TGFBR3: variants seen among roughly 807,000 people sequenced by gnomAD.
The protein encoded by TGFBR3 is transforming growth factor beta receptor 3.
TGFBR3 carries 46 observed loss-of-function variants against 87.9 expected under a neutral mutation model. The ratio of observed to expected loss-of-function variants is 0.52; its 90% CI spans 0.41 to 0.67. The LOEUF is 0.67. Among genes scored for constraint, TGFBR3 ranks in the 30% least tolerant of loss-of-function variants. TGFBR3 has a pLI of 0.00. For missense variants in TGFBR3, 866 were observed against 1,041.9 expected, an observed-to-expected ratio of 0.83 and a Z score of 2.32; for synonymous variants, 381 against 391.6, an observed-to-expected ratio of 0.97 and a Z score of 0.32.
chr1:91,832,992 A>G (rs1364141510), intron 2 of TGFBR3, among the ~76,000 whole-genome samples: 3 of 140,162 alleles, frequency 2.1e-5, no homozygotes, highest in South Asian at 2.3e-4. Context: ...TGGGCCACAG[A>G]GCAAGAATCT....
intron 16 of TGFBR3, among the ~76,000 whole-genome samples, chr1:91,695,264 G>A (rs17885664): frequency 0.033 from 5,087 of 152,252 alleles, 268 homozygotes; most frequent in African/African-American, 0.12. Flanking sequence ...GACTCTGATG[G>A]ACAGTGCTCA....
chr1:91,894,961 G>C (rs1679523795), intron 2 of TGFBR3, among the ~76,000 whole-genome samples: 1 of 152,134 alleles, frequency 6.6e-6, no homozygotes, highest in South Asian at 2.1e-4. Flanking sequence ...TAGTAGAGAA[G>C]GGGTTTCACC....
intron 4 of TGFBR3, among the ~76,000 whole-genome samples, chr1:91,749,892 G>A (rs745868464): frequency 3.5e-4 from 53 of 152,148 alleles, no homozygotes; most frequent in African/African-American, 1.0e-3. Flanking sequence ...TGGCCACCAC[G>A]TCAACAAAGG....
At chr1:91,810,708 C>G (rs561458436) in intron 2 of TGFBR3, among the ~76,000 whole-genome samples, 1 of 152,146 alleles carries the variant, frequency 6.6e-6, no homozygotes, top group Non-Finnish European at 1.5e-5. Flanking sequence ...CACATTTTAG[C>G]CTTTTAACCT....
At chr1:91,818,478 G>T (rs1676329117) in intron 2 of TGFBR3, among the ~76,000 whole-genome samples, 1 of 151,998 alleles carries the variant, frequency 6.6e-6, no homozygotes, top group African/African-American at 2.4e-5. Context: ...CTGGTCCCTG[G>T]TGTTTTAAAA....
At chr1:91,792,507 C>T (rs1343088712) in intron 3 of TGFBR3, among the ~76,000 whole-genome samples, 2 of 152,282 alleles carry the variant, frequency 1.3e-5, no homozygotes, top group East Asian at 3.9e-4. Flanking sequence ...GACTTATCCT[C>T]AGCAGCTTTT....
At chr1:91,759,311 T>C (rs990498706) in intron 3 of TGFBR3, among the ~76,000 whole-genome samples, 1 of 149,788 alleles carries the variant, frequency 6.7e-6, no homozygotes, top group Non-Finnish European at 1.5e-5. Context: ...AGCTTTTAGC[T>C]TGAAGGGCTT....
At position 91,708,797 on chromosome 1, in the gene TGFBR3, G is replaced by A; in HGVS notation, c.2167-14C>T. 1 of 1,613,472 alleles carries A rather than the reference G, an allele frequency of 6.2e-7. No individual in the cohort carries two copies. Among genetic ancestry groups the A allele is most frequent in the Non-Finnish European group, 8.5e-7 (1 of 1,179,872 alleles). On this transcript the variant is annotated splice_polypyrimidine_tract_variant and intron_variant, in intron 13 of 16. Transcript: ENST00000212355. Reference sequence around the variant, plus strand: ...AGGAGGCACACACTGCAGACAGGCAGAACAAAGCACAGAATCAGGGGCCAC... The same window carrying A: ...AGGAGGCACACACTGCAGACAGGCAAAACAAAGCACAGAATCAGGGGCCAC...
At chr1:91,712,105 C>T in intron 13 of TGFBR3, 138 bp downstream of exon 13, 2 of 782,668 alleles carry the variant, frequency 2.6e-6, no homozygotes, top group Non-Finnish European at 4.3e-6. Flanking sequence ...TCACAGTTCC[C>T]TGCTAATAGT....
chr1:91,873,694 C>T (rs539049357), intron 1 of TGFBR3, among the ~76,000 whole-genome samples: 1 of 152,294 alleles, frequency 6.6e-6, no homozygotes, highest in Admixed American at 6.5e-5. Context: ...CGCCTGTAAT[C>T]CCAGCACTTT....
intron 1 of TGFBR3, among the ~76,000 whole-genome samples, chr1:91,883,742 G>GA (rs1679187442): frequency 6.9e-6 from 1 of 144,012 alleles, no homozygotes; most frequent in Non-Finnish European, 1.5e-5. Context: ...ATCAAAACAG[G>GA]AAAAATTAAA....
chr1:91,839,493 A>C (rs1677188617), intron 2 of TGFBR3, among the ~76,000 whole-genome samples: 1 of 152,242 alleles, frequency 6.6e-6, no homozygotes, highest in Admixed American at 6.5e-5. Context: ...GAATTCTGGC[A>C]GACATCACTC....
chr1:91,685,422 A>T (rs1304470754), intron 16 of TGFBR3, among the ~76,000 whole-genome samples: 4 of 148,042 alleles, frequency 2.7e-5, no homozygotes, highest in Non-Finnish European at 5.9e-5. Flanking sequence ...CCCCGGGTTC[A>T]AGCAATTCTC....
chr1:91,861,490 G>A lies in TGFBR3; in HGVS notation c.42C>T (p.Ser14=). Reference sequence around the variant, plus strand: ...ACTTACCTGCAGTGGCTAAACAGGAGCTCATCAGGGCAAAGATGGCAATCA... The same window carrying A: ...ACTTACCTGCAGTGGCTAAACAGGAACTCATCAGGGCAAAGATGGCAATCA... ...HYVIAIFALM[S]SCLATAGPEP... Residue 14 remains serine (S), a synonymous_variant, in exon 2 of 17, where the codon AGC becomes AGT. Transcript: ENST00000212355. The A allele has an allele frequency of 2.5e-6, 4 of 1,613,428 alleles. No individual in the cohort carries two copies. The highest frequency in any genetic ancestry group is 3.4e-6 in the Non-Finnish European group (4 of 1,179,374).
At chr1:91,905,058 A>G (rs1011094225) in intron 1 of TGFBR3, among the ~76,000 whole-genome samples, 9 of 152,122 alleles carry the variant, frequency 5.9e-5, no homozygotes, top group African/African-American at 1.4e-4. Context: ...TTCTGGGCGA[A>G]TTAAATATAA....
intron 4 of TGFBR3, among the ~76,000 whole-genome samples, chr1:91,744,350 T>A (rs1673260035): frequency 6.6e-6 from 1 of 152,146 alleles, no homozygotes; most frequent in Non-Finnish European, 1.5e-5. Context: ...CCTCCCAAAG[T>A]GCTGGGATTA....
At chr1:91,744,023 T>C (rs1673246105) in intron 4 of TGFBR3, among the ~76,000 whole-genome samples, 1 of 152,174 alleles carries the variant, frequency 6.6e-6, no homozygotes, top group South Asian at 2.1e-4. Flanking sequence ...GATTACAAGT[T>C]TAAGTGATAT....
Position 91,747,859 on chromosome 1 carries a change from G to C in TGFBR3, c.384+10754C>G, listed in dbSNP as rs116351927. Among the ~76,000 whole-genome samples, 620 of 152,358 alleles carry C rather than the reference G, an allele frequency of 4.1e-3. 3 individuals carry two copies. Among genetic ancestry groups the C allele is most frequent in the African/African-American group, 0.014 (603 of 41,594 alleles). On this transcript the variant is annotated intron_variant, in intron 4 of 16. Transcript: ENST00000212355. ...TGGACAGCGGCTTCCGCTCATGCCT[G>C]AGCTGCCCTTCCTGAAGGCCTCCCT...
intron 4 of TGFBR3, among the ~76,000 whole-genome samples, chr1:91,745,918 T>C (rs1673329552): frequency 6.6e-6 from 1 of 152,232 alleles, no homozygotes; most frequent in Non-Finnish European, 1.5e-5. Flanking sequence ...TGCAGCCATT[T>C]AAAAATTCTT....
Sources: allele counts gnomAD v4.1 joint callset (sites outside exome capture counted in the v4.1 genomes callset), GRCh38; gene constraint gnomAD v4.1.1; transcripts MANE v1.5; gene names NCBI Gene and HGNC (gene_info 2026-07-23, HGNC 2026-07-21).